The following DPYSL5 variants were observed in gnomAD, a reference collection of about 807,000 sequenced individuals.
DPYSL5 encodes the protein dihydropyrimidinase like 5, also known as dihydropyrimidinase-related protein 5.
Under a neutral mutation model 58.4 loss-of-function variants are expected in DPYSL5, and 9 were observed. The ratio of observed to expected loss-of-function variants is 0.15; its 90% CI spans 0.09 to 0.27. DPYSL5 has a LOEUF of 0.27. DPYSL5 is among the 10% of genes least tolerant of loss of function. The probability of loss-of-function intolerance (pLI) is 1.00; values close to 1 mark genes in which losing one functional copy is unlikely to be tolerated. For missense variants in DPYSL5, 499 were observed against 770.6 expected (o/e 0.65, Z 4.17); for synonymous variants, 293 against 301.9 (o/e 0.97, Z 0.31).
chr2:26,879,614 G>A (rs1663505090), intron 1 of DPYSL5, among the ~76,000 whole-genome samples: 1 of 152,180 alleles, frequency 6.6e-6, no homozygotes, highest in African/African-American at 2.4e-5. Context: ...TCCAAGGCCA[G>A]CTGTGCAGTG....
Position 26,946,998 on chromosome 2 carries a change from G to T in DPYSL5, c.*3G>T. ...GCAGGTCGAGTGGCATTTGGTAAAG[G>T]CATTGCCAAGCCCCCCGAGTGAGGA... is the stretch of plus-strand genomic sequence containing the variant. On this transcript the variant is annotated 3_prime_UTR_variant, in exon 13 of 13. Coordinates refer to ENST00000288699, the MANE Select transcript of DPYSL5 (RefSeq NM_020134.4). The T allele has an allele frequency of 6.2e-7, 1 of 1,608,548 alleles. No individual in the cohort carries two copies. The highest frequency in any genetic ancestry group is 1.3e-5 in the African/African-American group (1 of 74,948).
chr2:26,935,810 G>T (rs1251022764), intron 8 of DPYSL5, among the ~76,000 whole-genome samples: 1 of 152,114 alleles, frequency 6.6e-6, no homozygotes, highest in African/African-American at 2.4e-5. Context: ...GCTCAGCTTG[G>T]GTTGGGGTAG....
Position 26,924,121 on chromosome 2 carries a change from T to C in DPYSL5, c.262-766T>C, listed in dbSNP as rs1044064412. ...TCTCTAATACAGATTTAGTCATTTTTCCTGGGGGTTCACTCTATGATTGCG... is the reference window on the plus strand; with the variant it reads ...TCTCTAATACAGATTTAGTCATTTTCCCTGGGGGTTCACTCTATGATTGCG... On this transcript the variant is annotated intron_variant, in intron 2 of 12. Transcript: ENST00000288699. This position sits in a 1 kb window ranked among gnomAD's most constrained non-coding sequence, Gnocchi z 4.7. Among the ~76,000 whole-genome samples the C allele has an allele frequency of 2.6e-5, 4 of 152,246 alleles. No individual in the cohort carries two copies. Among genetic ancestry groups the C allele is most frequent in the Non-Finnish European group, 5.9e-5 (4 of 68,040 alleles).
intron 1 of DPYSL5, among the ~76,000 whole-genome samples, chr2:26,897,313 T>C (rs1409313632): frequency 1.3e-5 from 2 of 152,212 alleles, no homozygotes; most frequent in Non-Finnish European, 2.9e-5. Flanking sequence ...AGGTGTTCTT[T>C]ATCAAGTTGA....
chr2:26,863,352 C>T (rs901045936), intron 1 of DPYSL5, among the ~76,000 whole-genome samples: 4 of 152,172 alleles, frequency 2.6e-5, no homozygotes, highest in Non-Finnish European at 5.9e-5. Context: ...CTTGACCTGC[C>T]CCCCAGGCAT....
rs181720511 is a variant in DPYSL5 at position 26,944,920 on chromosome 2, T to C, written c.1609+96T>C. 370 of 1,202,458 alleles carry C rather than the reference T, an allele frequency of 3.1e-4. 2 individuals are homozygous for C. The highest frequency in any genetic ancestry group is 8.5e-5 in the Non-Finnish European group (72 of 848,916). The allele number at this position is 1,202,458 out of a possible 1,614,324, so 74.5% of individuals were successfully genotyped here. ...ACGCCTGCTTTTCTTTTGTGTCCTC[T>C]CCTCCCTCCCGTTGCCTATTTCCAG... On this transcript the variant is annotated intron_variant, in intron 12 of 12. Transcript: ENST00000288699. The surrounding 1 kb of genome is among the most constrained non-coding windows in gnomAD (Gnocchi z 4.4).
At chr2:26,914,277 G>A (rs1664509705) in intron 2 of DPYSL5, among the ~76,000 whole-genome samples, 1 of 152,252 alleles carries the variant, frequency 6.6e-6, no homozygotes, top group Admixed American at 6.5e-5. Flanking sequence ...AAAGGGACCA[G>A]GTCTTTGGGC....
At chr2:26,883,260 G>A (rs912379297) in intron 1 of DPYSL5, among the ~76,000 whole-genome samples, 1 of 151,960 alleles carries the variant, frequency 6.6e-6, no homozygotes, top group Admixed American at 6.6e-5. Flanking sequence ...CCTATCTTGA[G>A]TTTTCTGATT....
In DPYSL5 at chr2:26,933,463, TCTG is replaced by T; in HGVS notation, c.790+132_790+134del. 1 of 773,062 alleles carries T rather than the reference TCTG, an allele frequency of 1.3e-6. No individual in the cohort carries two copies. Among genetic ancestry groups the T allele is most frequent in the South Asian group, 1.6e-5 (1 of 64,368 alleles). 47.9% of individuals were successfully genotyped at this position (773,062 alleles called of 1,614,324 possible). A position where few individuals can be genotyped will look rare whatever the true frequency, so the allele number is the denominator to read the frequency against. On this transcript the variant is annotated intron_variant, in intron 7 of 12. Transcript: ENST00000288699. The surrounding 1 kb of genome is among the most constrained non-coding windows in gnomAD (Gnocchi z 4.2). ...GACCTGAGCCAGCCCTTCCCTTTCA[TCTG>T]CCACCGTCTTCCTCAGAGCTGCCCT...
chr2:26,883,484 C>T (rs765979043), intron 1 of DPYSL5, among the ~76,000 whole-genome samples: 5 of 152,136 alleles, frequency 3.3e-5, no homozygotes, highest in Admixed American at 1.3e-4. Context: ...CTGCAACCTC[C>T]GATCCCCGGG....
chr2:26,935,619 G>A (rs1665152053), intron 8 of DPYSL5, among the ~76,000 whole-genome samples: 1 of 148,620 alleles, frequency 6.7e-6, no homozygotes, highest in East Asian at 2.0e-4. Context: ...AACCCAGGAG[G>A]CAGAGGTTGC....
intron 2 of DPYSL5, among the ~76,000 whole-genome samples, chr2:26,920,969 G>A (rs1275883563): frequency 6.6e-6 from 1 of 152,074 alleles, no homozygotes; most frequent in Non-Finnish European, 1.5e-5. Flanking sequence ...ATTTGGTCAT[G>A]AATTCATAAA....
chr2:26,874,686 C>T (rs1663366384), intron 1 of DPYSL5, among the ~76,000 whole-genome samples: 1 of 152,184 alleles, frequency 6.6e-6, no homozygotes, highest in African/African-American at 2.4e-5. Flanking sequence ...TGGCATTTTC[C>T]AGGTGTCCCA....
At chr2:26,888,255 T>TTCTTTCTTTCTTTCTGTCTG (rs1553316479) in intron 1 of DPYSL5, among the ~76,000 whole-genome samples, 2 of 108,188 alleles carry the variant, frequency 1.8e-5, no homozygotes, top group African/African-American at 4.6e-5. Context: ...CTTTCTTTCT[T>TTCTTTCTTTCTTTCTGTCTG]TCTTTCTTTC....
intron 1 of DPYSL5, among the ~76,000 whole-genome samples, chr2:26,869,298 A>C (rs1663198010): frequency 6.6e-6 from 1 of 152,150 alleles, no homozygotes; most frequent in Non-Finnish European, 1.5e-5. Context: ...TTTTGTTTGT[A>C]AAGCTGTATT....
chr2:26,898,464 C>G lies in DPYSL5; in HGVS notation c.-4-32C>G, dbSNP rs190914932. The G allele has an allele frequency of 2.3e-5, 37 of 1,604,858 alleles. No individual in the cohort carries two copies. The East Asian group carries it at 7.8e-4, about 34-fold the overall frequency. On this transcript the variant is annotated intron_variant, in intron 1 of 12. Coordinates refer to ENST00000288699, the MANE Select transcript of DPYSL5 (RefSeq NM_020134.4). This position sits in a 1 kb window ranked among gnomAD's most constrained non-coding sequence, Gnocchi z 6.1. ...GGAAACTGGAAACAGTGAGAAGGGACTTTGACCTTGACCATGCTCACCTTC... is the reference window on the plus strand; with the variant it reads ...GGAAACTGGAAACAGTGAGAAGGGAGTTTGACCTTGACCATGCTCACCTTC...
At chr2:26,880,174 C>T (rs923339623) in intron 1 of DPYSL5, among the ~76,000 whole-genome samples, 3 of 152,208 alleles carry the variant, frequency 2.0e-5, no homozygotes, top group African/African-American at 7.2e-5. Flanking sequence ...ACAGGCAGAG[C>T]CATCACTGTG....
intron 6 of DPYSL5, among the ~76,000 whole-genome samples, chr2:26,932,031 A>G (rs1267665386): frequency 8.5e-6 from 1 of 118,142 alleles, no homozygotes; most frequent in Admixed American, 9.8e-5. Context: ...AAAAAGAAAG[A>G]AAAGAAAAGA....
At chr2:26,910,494 A>G (rs560416158) in intron 2 of DPYSL5, among the ~76,000 whole-genome samples, 2 of 152,080 alleles carry the variant, frequency 1.3e-5, no homozygotes, top group East Asian at 1.9e-4. Flanking sequence ...ACATGTGCCT[A>G]TATGCCTTCT....
Sources: gnomAD v4.1 joint callset for allele counts (sites outside exome capture counted in the v4.1 genomes callset) on GRCh38, gnomAD v4.1.1 for gene constraint, Gnocchi (gnomAD v3.1) non-coding constraint, MANE v1.5 for transcripts, NCBI Gene and HGNC (gene_info 2026-07-23, HGNC 2026-07-21) for gene names.